ZMYND8: variants seen among roughly 807,000 people sequenced by gnomAD.
ZMYND8 encodes the protein zinc finger MYND-type containing 8, also known as MYND-type zinc finger-containing chromatin reader ZMYND8.
A neutral mutation model predicts 140.8 loss-of-function variants in ZMYND8; 37 were observed. The ratio of observed to expected loss-of-function variants is 0.26; its 90% CI spans 0.20 to 0.35. ZMYND8 has a LOEUF of 0.35. Among genes scored for constraint, ZMYND8 ranks in the 10% least tolerant of loss-of-function variants. ZMYND8 has a pLI of 1.00. For missense variants in ZMYND8, 1,068 were observed against 1,570.0 expected, an observed-to-expected ratio of 0.68 and a Z score of 5.40; for synonymous variants, 592 against 597.1, an observed-to-expected ratio of 0.99 and a Z score of 0.12.
At chr20:47,248,749 G>A (rs991972593) in intron 13 of ZMYND8, among the ~76,000 whole-genome samples, 17 of 152,240 alleles carry the variant, frequency 1.1e-4, no homozygotes, top group Non-Finnish European at 2.9e-5. Context: ...GGGGAGGGCA[G>A]TCAGGGGAGA....
At chr20:47,304,115 G>A (rs1468218741) in intron 3 of ZMYND8, among the ~76,000 whole-genome samples, 1 of 152,182 alleles carries the variant, frequency 6.6e-6, no homozygotes, top group Non-Finnish European at 1.5e-5. Context: ...TGTATAATGT[G>A]TGTTACCAGT....
chr20:47,276,374 C>T lies in ZMYND8; in HGVS notation c.1420G>A (p.Ala474Thr), dbSNP rs114168996. ...CTCGCACTGAAGTGGCTCGACGTGGCCTTCTTCTCAGCATCCTGCTCCACG... is the reference window on the plus strand; with the variant it reads ...CTCGCACTGAAGTGGCTCGACGTGGTCTTCTTCTCAGCATCCTGCTCCACG... ...SDVEQDAEKK[A>T]TSSHFSASEE... The change falls in exon 11 of 23, where the codon GCC (alanine) becomes ACC (threonine). Residue 474 changes from alanine to threonine, a missense_variant. By Grantham distance (58) the Ala-to-Thr change is moderately conservative. Transcript: ENST00000471951. 3,288 of 1,604,724 alleles carry T rather than the reference C, an allele frequency of 2.0e-3. 52 individuals carry two copies. The African/African-American group carries it at 0.039, about 19-fold the overall frequency.
intron 19 of ZMYND8, 50 bp from the exon 20 acceptor site, chr20:47,221,524 A>T (rs1237808331): frequency 6.3e-7 from 1 of 1,585,274 alleles, no homozygotes; most frequent in South Asian, 1.1e-5. Flanking sequence ...GAGTACGATG[A>T]TTTTGAAACA....
Position 47,335,368 on chromosome 20 carries a change from T to C in ZMYND8, c.85+12488A>G, listed in dbSNP as rs2081310088. Among the ~76,000 whole-genome samples, 3 of 151,710 alleles carry C rather than the reference T, an allele frequency of 2.0e-5. No homozygotes were observed. The South Asian group carries it at 6.3e-4, about 32-fold the overall frequency. ...GGTTCCCAGGAAAGCCCAGGATAGG[T>C]GAGGGGAGTCACAGGAAGTTGAAGG... is the stretch of plus-strand genomic sequence containing the variant. On this transcript the variant is annotated intron_variant, in intron 2 of 22. Coordinates refer to ENST00000471951, the MANE Select transcript of ZMYND8 (RefSeq NM_001281775.3).
intron 21 of ZMYND8, among the ~76,000 whole-genome samples, chr20:47,213,142 CCA>C (rs533452907): frequency 5.9e-5 from 9 of 152,040 alleles, no homozygotes; most frequent in Non-Finnish European, 1.0e-4. Context: ...CATCAACTGC[CCA>C]CAGTGATAAC....
At chr20:47,255,474 C>T (rs1490463256) in intron 12 of ZMYND8, among the ~76,000 whole-genome samples, 1 of 149,084 alleles carries the variant, frequency 6.7e-6, no homozygotes, top group Admixed American at 6.7e-5. Context: ...TTTGGGAAGC[C>T]GAGGTGGAGA....
At chr20:47,285,949 T>G in intron 8 of ZMYND8, 1 of 620,434 alleles carries the variant, frequency 1.6e-6, no homozygotes, top group Non-Finnish European at 2.0e-6. Flanking sequence ...CCAGCGTCTT[T>G]GGAGGCTGAG....
chr20:47,223,844 G>A (rs1041423622), intron 19 of ZMYND8, among the ~76,000 whole-genome samples: 7 of 151,410 alleles, frequency 4.6e-5, no homozygotes. Context: ...AAAAAAAAAG[G>A]ATAAATTCTA....
chr20:47,308,170 A>T (rs2078645409), intron 3 of ZMYND8, among the ~76,000 whole-genome samples: 1 of 150,018 alleles, frequency 6.7e-6, no homozygotes, highest in Non-Finnish European at 1.5e-5. Flanking sequence ...TGCCATTTTC[A>T]AGTACTGAAG....
At chr20:47,272,923 A>G (rs1319535320) in intron 11 of ZMYND8, among the ~76,000 whole-genome samples, 1 of 152,220 alleles carries the variant, frequency 6.6e-6, no homozygotes, top group Non-Finnish European at 1.5e-5. Context: ...TGACTGTGGA[A>G]GCATTTTAAT....
chr20:47,223,145 A>G (rs35687153), intron 19 of ZMYND8, among the ~76,000 whole-genome samples: 5,407 of 152,308 alleles, frequency 0.036, 283 homozygotes, highest in African/African-American at 0.12. Context: ...ATTCTTTAAA[A>G]TGGAAGTGTT....
At chr20:47,346,909 G>T (rs746723057) in intron 2 of ZMYND8, among the ~76,000 whole-genome samples, 1 of 152,114 alleles carries the variant, frequency 6.6e-6, no homozygotes, top group Non-Finnish European at 1.5e-5. Context: ...CTGGCGACAC[G>T]CTGTCTTGTA....
At chr20:47,299,323 A>C (rs2077843269) in intron 3 of ZMYND8, among the ~76,000 whole-genome samples, 1 of 152,154 alleles carries the variant, frequency 6.6e-6, no homozygotes, top group Non-Finnish European at 1.5e-5. Flanking sequence ...TCATCTGTAA[A>C]ATGGAGATGA....
In ZMYND8 at chr20:47,268,438, C is replaced by T. The variant is rs549624433; in HGVS notation, c.1481-6010G>A. Among the ~76,000 whole-genome samples, 11 of 151,604 alleles carry T rather than the reference C, an allele frequency of 7.3e-5. No individual in the cohort carries two copies. In the East Asian group the frequency reaches 8.0e-4, roughly 11 times the overall value. On this transcript the variant is annotated intron_variant, in intron 11 of 22. Coordinates refer to ENST00000471951, the MANE Select transcript of ZMYND8 (RefSeq NM_001281775.3). ...CCTCCCGAGTAGCTGGGATTACAGGCGCCCGCCACCATGCCGGGCTAATTT... is the reference window on the plus strand; with the variant it reads ...CCTCCCGAGTAGCTGGGATTACAGGTGCCCGCCACCATGCCGGGCTAATTT...
chr20:47,314,848 C>T lies in ZMYND8; in HGVS notation c.86-4644G>A, dbSNP rs188447607. Among the ~76,000 whole-genome samples, 7 of 152,318 alleles carry T rather than the reference C, an allele frequency of 4.6e-5. No individual in the cohort carries two copies. The East Asian group carries it at 1.2e-3, about 25-fold the overall frequency. On this transcript the variant is annotated intron_variant, in intron 2 of 22. Transcript: ENST00000471951. ...CAACCCCAGGCAAGTCTCCACCTCT[C>T]AGGGCCTCAGGGCCTCACCTGCAAA...
chr20:47,267,491 C>T (rs6012148), intron 11 of ZMYND8, among the ~76,000 whole-genome samples: 899 of 78,118 alleles, frequency 0.012, 12 homozygotes, highest in African/African-American at 0.041. Flanking sequence ...GGTTCAGGGC[C>T]GGGGCGGGGG....
Position 47,321,179 on chromosome 20 carries a change from C to G in ZMYND8, c.86-10975G>C, listed in dbSNP as rs149559134. On this transcript the variant is annotated intron_variant, in intron 2 of 22. Coordinates refer to ENST00000471951, the MANE Select transcript of ZMYND8 (RefSeq NM_001281775.3). Reference sequence around the variant, plus strand: ...AATGACAATATTTATGGAACACTCACTGCATCCTGGGCACTGCCCAGCCAG... The same window carrying G: ...AATGACAATATTTATGGAACACTCAGTGCATCCTGGGCACTGCCCAGCCAG... 1.3e-3 allele frequency among the ~76,000 whole-genome samples: 197 copies of G among 152,350 alleles called. 2 individuals carry two copies. Among genetic ancestry groups the G allele is most frequent in the African/African-American group, 4.6e-3 (191 of 41,594 alleles).
rs576741407 is a variant in ZMYND8 at position 47,318,579 on chromosome 20, A to C, written c.86-8375T>G. On this transcript the variant is annotated intron_variant, in intron 2 of 22. Coordinates refer to ENST00000471951, the MANE Select transcript of ZMYND8 (RefSeq NM_001281775.3). Reference sequence around the variant, plus strand: ...TTGTCCTCGCAGCAGAGAATGCCTAAGCCAGGAGGAACTTGTAAATGAAAA... The same window carrying C: ...TTGTCCTCGCAGCAGAGAATGCCTACGCCAGGAGGAACTTGTAAATGAAAA... 4 of 378,780 alleles carry C rather than the reference A, an allele frequency of 1.1e-5. No individual in the cohort carries two copies. The East Asian group carries it at 2.9e-4, about 28-fold the overall frequency. The allele number at this position is 378,780 out of a possible 1,614,324, so 23.5% of individuals were successfully genotyped here.
chr20:47,307,126 G>T (rs187532913), intron 3 of ZMYND8, among the ~76,000 whole-genome samples: 3 of 152,078 alleles, frequency 2.0e-5, no homozygotes, highest in Admixed American at 6.6e-5. Context: ...CTGCCCTCAT[G>T]AATGGGATTA....
Sources: allele counts gnomAD v4.1 joint callset (sites outside exome capture counted in the v4.1 genomes callset), GRCh38; gene constraint gnomAD v4.1.1; transcripts MANE v1.5; gene names NCBI Gene and HGNC (gene_info 2026-07-23, HGNC 2026-07-21).